Variants in SGCZ observed in about 807,000 individuals in gnomAD.
SGCZ encodes sarcoglycan zeta, also known as zeta-sarcoglycan.
In SGCZ, 40 loss-of-function variants were observed where a neutral mutation model predicts 41.3. The observed-to-expected ratio is 0.97, with a 90% CI of 0.75 to 1.26. The LOEUF (loss-of-function observed/expected upper bound fraction) is 1.26, where lower values mean the gene tolerates loss of function less well. Ranked by LOEUF, SGCZ falls within the 50% of genes most tolerant of loss-of-function variation. The pLI is 0.00. For missense variants in SGCZ, 552 were observed against 369.8 expected (o/e 1.49, Z -4.04); for synonymous variants, 206 against 137.5 (o/e 1.50, Z -3.49).
At chr8:14,436,393 A>G (rs890778627) in intron 2 of SGCZ, among the ~76,000 whole-genome samples, 2 of 152,192 alleles carry the variant, frequency 1.3e-5, no homozygotes, top group African/African-American at 4.8e-5. Flanking sequence ...CTGAGTTAGC[A>G]ATCTTCTCCA....
At chr8:14,730,246 GT>G (rs1449268121) in intron 1 of SGCZ, among the ~76,000 whole-genome samples, 1 of 152,010 alleles carries the variant, frequency 6.6e-6, no homozygotes, top group East Asian at 1.9e-4. Flanking sequence ...TTCTTTATCT[GT>G]TTAATATATT....
chr8:15,118,785 G>T (rs560657591), intron 1 of SGCZ, among the ~76,000 whole-genome samples: 8 of 152,192 alleles, frequency 5.3e-5, no homozygotes, highest in African/African-American at 1.9e-4. Context: ...ATTATGACAG[G>T]TTATTTTCCC....
intron 1 of SGCZ, among the ~76,000 whole-genome samples, chr8:14,755,349 G>C (rs1420314174): frequency 6.6e-6 from 1 of 152,042 alleles, no homozygotes; most frequent in Non-Finnish European, 1.5e-5. Context: ...GAACACATTA[G>C]CAAACAAACT....
intron 5 of SGCZ, among the ~76,000 whole-genome samples, chr8:14,130,070 TA>T: frequency 6.6e-6 from 1 of 152,322 alleles, no homozygotes; most frequent in Middle Eastern, 3.4e-3. Context: ...AGTTTCTGAT[TA>T]TAAAACTTAA....
At chr8:14,988,435 T>G (rs1440698763) in intron 1 of SGCZ, among the ~76,000 whole-genome samples, 1 of 152,076 alleles carries the variant, frequency 6.6e-6, no homozygotes, top group Non-Finnish European at 1.5e-5. Context: ...CTATAGAAAC[T>G]TGTATTTGCT....
chr8:14,570,513 T>C (rs1478412117), intron 1 of SGCZ, among the ~76,000 whole-genome samples: 1 of 152,240 alleles, frequency 6.6e-6, no homozygotes, highest in Non-Finnish European at 1.5e-5. Flanking sequence ...TGGAAATGTA[T>C]AACAGCTTAT....
At chr8:14,241,697 G>C (rs1218128749) in intron 3 of SGCZ, among the ~76,000 whole-genome samples, 2 of 151,934 alleles carry the variant, frequency 1.3e-5, no homozygotes, top group African/African-American at 4.8e-5. Context: ...GCCTTCTTAT[G>C]TCACTCTTTA....
intron 3 of SGCZ, among the ~76,000 whole-genome samples, chr8:14,321,078 A>T (rs964082185): frequency 6.6e-6 from 1 of 152,098 alleles, no homozygotes; most frequent in African/African-American, 2.4e-5. Flanking sequence ...CCTTGAAAAG[A>T]GATGCAGAAT....
intron 2 of SGCZ, among the ~76,000 whole-genome samples, chr8:14,416,585 T>C (rs1425870040): frequency 6.6e-6 from 1 of 151,888 alleles, no homozygotes; most frequent in African/African-American, 2.4e-5. Context: ...TTCACTTGTT[T>C]TACAATGTTA....
rs1291676850 is a variant in SGCZ, at chr8:14,256,335, C to G, written c.337-18656G>C. Among the ~76,000 whole-genome samples the G allele has an allele frequency of 2.6e-5, 4 of 151,890 alleles. No individual in the cohort carries two copies. The East Asian group carries it at 7.7e-4, about 29-fold the overall frequency. On this transcript the variant is annotated intron_variant, in intron 3 of 7. Coordinates refer to ENST00000382080, the MANE Select transcript of SGCZ (RefSeq NM_139167.4). ...ATTGGCTCTATATTCTTAATCATGT[C>G]TCTTCCTCAGAAAAAGTGCACTTTA...
chr8:14,388,507 C>G (rs1284802224), intron 2 of SGCZ, among the ~76,000 whole-genome samples: 1 of 152,034 alleles, frequency 6.6e-6, no homozygotes, highest in African/African-American at 2.4e-5. Flanking sequence ...AATAAATATG[C>G]ACATACACTA....
intron 1 of SGCZ, among the ~76,000 whole-genome samples, chr8:15,237,252 G>GCT (rs567186255): frequency 1.3e-5 from 2 of 149,912 alleles, no homozygotes; most frequent in Non-Finnish European, 3.0e-5. Flanking sequence ...TGGTGCCGCT[G>GCT]CCCCCCCCGG....
At chr8:14,257,033 G>C (rs1395143558) in intron 3 of SGCZ, among the ~76,000 whole-genome samples, 2 of 152,060 alleles carry the variant, frequency 1.3e-5, no homozygotes, top group African/African-American at 4.8e-5. Flanking sequence ...TATTAAGCTA[G>C]ATTGAACAGG....
At chr8:14,769,582 G>A (rs753932203) in intron 1 of SGCZ, among the ~76,000 whole-genome samples, 13 of 151,770 alleles carry the variant, frequency 8.6e-5, no homozygotes, top group Non-Finnish European at 1.2e-4. Flanking sequence ...ATCTGAGGTC[G>A]GGAGTTCGAG....
intron 1 of SGCZ, among the ~76,000 whole-genome samples, chr8:15,056,887 T>A (rs1382048660): frequency 2.6e-5 from 4 of 152,168 alleles, no homozygotes; most frequent in African/African-American, 9.7e-5. Flanking sequence ...TCTGAGCTAT[T>A]GCTCACCGTT....
At chr8:15,098,443 A>G (rs181152126) in intron 1 of SGCZ, among the ~76,000 whole-genome samples, 1 of 152,334 alleles carries the variant, frequency 6.6e-6, no homozygotes, top group Non-Finnish European at 1.5e-5. Flanking sequence ...TCACACAGCT[A>G]GAAAAGGTGG....
At chr8:14,583,518 A>C (rs11775772) in intron 1 of SGCZ, among the ~76,000 whole-genome samples, 33,936 of 151,054 alleles carry the variant, frequency 0.22, 4,398 homozygotes, top group Non-Finnish European at 0.3. Context: ...AATTAGATCC[A>C]ATTTGTCAAT....
intron 1 of SGCZ, among the ~76,000 whole-genome samples, chr8:15,174,075 A>T (rs993870514): frequency 1.3e-4 from 20 of 152,138 alleles, no homozygotes; most frequent in Non-Finnish European, 2.4e-4. Flanking sequence ...GCCGTCATTG[A>T]TCATGCTGCA....
In SGCZ at chr8:14,309,806, A is replaced by G. The variant is rs527729975; in HGVS notation, c.336+14297T>C. 4.9e-6 allele frequency: 7 copies of G among 1,423,230 alleles called. No homozygotes were observed. In the South Asian group the frequency reaches 7.9e-5, roughly 16 times the overall value. The allele number at this position is 1,423,230 out of a possible 1,614,324, so 88.2% of individuals were successfully genotyped here. A position where few individuals can be genotyped will look rare whatever the true frequency, so the allele number is the denominator to read the frequency against. On this transcript the variant is annotated intron_variant, in intron 3 of 7. Coordinates refer to ENST00000382080, the MANE Select transcript of SGCZ (RefSeq NM_139167.4). ...ATTTCCATCTAAATGTTACTAAGGT[A>G]TAAGAGAAGTCTCATTCGCCTTTGT...
Sources: allele counts gnomAD v4.1 joint callset (sites outside exome capture counted in the v4.1 genomes callset), GRCh38; gene constraint gnomAD v4.1.1; transcripts MANE v1.5; gene names NCBI Gene and HGNC (gene_info 2026-07-23, HGNC 2026-07-21).